KDM2A: variants seen among roughly 807,000 people sequenced by gnomAD.
KDM2A encodes lysine demethylase 2A.
A neutral mutation model predicts 137.3 loss-of-function variants in KDM2A; 3 were observed. The ratio of observed to expected loss-of-function variants is 0.02; its 90% CI spans 0.01 to 0.06. The LOEUF is 0.06. KDM2A is among the 10% of genes least tolerant of loss of function. The pLI is 1.00. For missense variants in KDM2A, 738 were observed against 1,510.6 expected, an observed-to-expected ratio of 0.49 and a Z score of 8.48; for synonymous variants, 512 against 541.5, an observed-to-expected ratio of 0.95 and a Z score of 0.76.
At chr11:67,217,225 A>G (rs934223600) in intron 8 of KDM2A, among the ~76,000 whole-genome samples, 1 of 149,686 alleles carries the variant, frequency 6.7e-6, no homozygotes, top group African/African-American at 2.5e-5. Context: ...CTGGACTACA[A>G]GAGTGAAACT....
At chr11:67,125,691 A>G (rs1437041486) in intron 2 of KDM2A, among the ~76,000 whole-genome samples, 1 of 151,522 alleles carries the variant, frequency 6.6e-6, no homozygotes, top group Admixed American at 6.6e-5. Context: ...AGGCAGGAGA[A>G]TCGCTTGAAC....
At chr11:67,181,943 A>T in intron 5 of KDM2A, 51 bp downstream of exon 5, 1 of 1,470,694 alleles carries the variant, frequency 6.8e-7, no homozygotes, top group African/African-American at 1.4e-5. Context: ...TTTAAGACTT[A>T]GGACTGAATT....
At chr11:67,138,055 C>T (rs1252483518) in intron 2 of KDM2A, among the ~76,000 whole-genome samples, 1 of 152,110 alleles carries the variant, frequency 6.6e-6, no homozygotes, top group Non-Finnish European at 1.5e-5. Context: ...CTCAGCCTCC[C>T]AAAGTGCTGG....
At chr11:67,227,550 A>G (rs774841382) in intron 10 of KDM2A, among the ~76,000 whole-genome samples, 2 of 151,842 alleles carry the variant, frequency 1.3e-5, no homozygotes, top group Admixed American at 6.6e-5. Flanking sequence ...GTGGTTCTAA[A>G]TGGTCTTCCT....
intron 2 of KDM2A, among the ~76,000 whole-genome samples, chr11:67,159,044 T>C (rs1009347419): frequency 1.3e-5 from 2 of 152,210 alleles, no homozygotes; most frequent in African/African-American, 2.4e-5. Flanking sequence ...ATTAATTATT[T>C]TTTTCATGGA....
intron 6 of KDM2A, among the ~76,000 whole-genome samples, chr11:67,213,299 TACC>T (rs1279014718): frequency 1.3e-5 from 2 of 152,220 alleles, no homozygotes; most frequent in Non-Finnish European, 2.9e-5. Flanking sequence ...GTTAGATATT[TACC>T]ACATCAGCAC....
intron 2 of KDM2A, among the ~76,000 whole-genome samples, chr11:67,157,200 C>A (rs1217401934): frequency 1.3e-5 from 2 of 150,882 alleles, no homozygotes; most frequent in Admixed American, 1.3e-4. Flanking sequence ...GTAGTCCCAG[C>A]TACTCAGGAG....
chr11:67,133,491 C>T (rs1855901488), intron 2 of KDM2A, among the ~76,000 whole-genome samples: 1 of 152,192 alleles, frequency 6.6e-6, no homozygotes, highest in South Asian at 2.1e-4. Context: ...TAACCTCTGC[C>T]TCCTGGGTTC....
intron 5 of KDM2A, among the ~76,000 whole-genome samples, chr11:67,202,697 A>G (rs1259546400): frequency 2.6e-5 from 4 of 151,708 alleles, no homozygotes; most frequent in Non-Finnish European, 4.4e-5. Flanking sequence ...AATGGCGTGA[A>G]CCCAGGAGGC....
chr11:67,170,601 A>G (rs897228208), intron 2 of KDM2A, among the ~76,000 whole-genome samples: 5 of 151,098 alleles, frequency 3.3e-5, no homozygotes, highest in African/African-American at 7.3e-5. Context: ...TTTTAGTAGA[A>G]ACGGGGTTTC....
At chr11:67,166,516 T>C (rs1233494928) in intron 2 of KDM2A, among the ~76,000 whole-genome samples, 2 of 152,072 alleles carry the variant, frequency 1.3e-5, no homozygotes, top group African/African-American at 2.4e-5. Flanking sequence ...GTTATATTAT[T>C]GTTTCCAATA....
chr11:67,157,303 C>T (rs1215670402), intron 2 of KDM2A, among the ~76,000 whole-genome samples: 5 of 112,810 alleles, frequency 4.4e-5, no homozygotes, highest in Non-Finnish European at 8.7e-5. Context: ...GGCGACAGAG[C>T]AAGACTCCCG....
intron 4 of KDM2A, among the ~76,000 whole-genome samples, 164 bp from the exon 5 acceptor site, chr11:67,181,682 G>T (rs1487286619): frequency 6.7e-6 from 1 of 149,964 alleles, no homozygotes; most frequent in East Asian, 1.9e-4. Context: ...CTTTTTTCCT[G>T]TGCATATGTG....
intron 2 of KDM2A, among the ~76,000 whole-genome samples, chr11:67,131,049 T>G (rs1855843436): frequency 6.6e-6 from 1 of 152,022 alleles, no homozygotes; most frequent in African/African-American, 2.4e-5. Flanking sequence ...ACAGGCCGGG[T>G]GCAGTGGCTC....
intron 12 of KDM2A, 150 bp downstream of exon 12, chr11:67,232,110 G>T (rs1858735767): frequency 2.7e-6 from 2 of 741,660 alleles, no homozygotes; most frequent in African/African-American, 1.7e-5. Context: ...TTGCTGCTCA[G>T]TGTTTTCATT....
chr11:67,149,384 T>C (rs1468061866), intron 2 of KDM2A, among the ~76,000 whole-genome samples: 7 of 152,170 alleles, frequency 4.6e-5, no homozygotes, highest in African/African-American at 1.4e-4. Flanking sequence ...ACAGTGAGCT[T>C]TCAATAAAAG....
At chr11:67,217,458 A>T (rs1483069475) in intron 8 of KDM2A, 1 of 426,778 alleles carries the variant, frequency 2.3e-6, no homozygotes, top group Non-Finnish European at 4.3e-6. Context: ...CTGCCTAGGT[A>T]ATGAGCTGAA....
intron 2 of KDM2A, among the ~76,000 whole-genome samples, chr11:67,129,376 G>A (rs1340421004): frequency 4.6e-5 from 7 of 152,256 alleles, no homozygotes; most frequent in East Asian, 1.9e-4. Flanking sequence ...AATGCTTGAC[G>A]TCAGGAGTTG....
chr11:67,162,830 C>T (rs931377078), intron 2 of KDM2A, among the ~76,000 whole-genome samples: 2 of 152,148 alleles, frequency 1.3e-5, no homozygotes, highest in Non-Finnish European at 2.9e-5. Flanking sequence ...CTTTCCACCT[C>T]AGCTTCCCAA....
Sources: allele counts gnomAD v4.1 joint callset (sites outside exome capture counted in the v4.1 genomes callset), GRCh38; gene constraint gnomAD v4.1.1; transcripts MANE v1.5; gene names NCBI Gene and HGNC (gene_info 2026-07-23, HGNC 2026-07-21).